The following CSMD1 variants were observed in gnomAD, a reference collection of about 807,000 sequenced individuals.
CSMD1 encodes CUB and sushi domain-containing protein 1.
Under a neutral mutation model 417.5 loss-of-function variants are expected in CSMD1, and 213 were observed. The ratio of observed to expected loss-of-function variants is 0.51; its 90% CI spans 0.46 to 0.57. CSMD1 has a LOEUF of 0.57. Among genes scored for constraint, CSMD1 ranks in the 20% least tolerant of loss-of-function variants. The pLI, the probability that CSMD1 is intolerant of heterozygous loss-of-function variation, is 0.00. For missense variants in CSMD1, 6,923 were observed against 4,529.7 expected, an observed-to-expected ratio of 1.53 and a Z score of -15.17; for synonymous variants, 2,862 against 1,736.8, an observed-to-expected ratio of 1.65 and a Z score of -16.11.
intron 5 of CSMD1, among the ~76,000 whole-genome samples, chr8:3,762,981 C>T (rs1798092819): frequency 6.6e-6 from 1 of 152,180 alleles, no homozygotes; most frequent in South Asian, 2.1e-4. Flanking sequence ...CTCACCATGA[C>T]ATTTGGTGTA....
At chr8:4,383,599 T>G (rs1015640028) in intron 3 of CSMD1, among the ~76,000 whole-genome samples, 1 of 152,096 alleles carries the variant, frequency 6.6e-6, no homozygotes, top group Admixed American at 6.6e-5. Context: ...CATGGAAGTG[T>G]TTAATAAAGA....
At position 3,968,703 on chromosome 8, in the gene CSMD1, G is replaced by C. The variant is rs189930136; in HGVS notation, c.818+29200C>G. On this transcript the variant is annotated intron_variant, in intron 5 of 69. Transcript: ENST00000635120. ...AGTCATTAAGCTTGCTCTTACTACA[G>C]GGTCTGTGTATTATCTAATGTGTAA... is the stretch of plus-strand genomic sequence containing the variant. Among the ~76,000 whole-genome samples, 12 of 152,214 alleles carry C rather than the reference G, an allele frequency of 7.9e-5. No individual in the cohort carries two copies. In the East Asian group the frequency reaches 2.1e-3, roughly 27 times the overall value.
chr8:3,771,302 G>A (rs908313177), intron 5 of CSMD1, among the ~76,000 whole-genome samples: 4 of 152,136 alleles, frequency 2.6e-5, no homozygotes, highest in African/African-American at 2.4e-5. Flanking sequence ...GGTGCTTCTG[G>A]AAGCCTTGCT....
intron 10 of CSMD1, among the ~76,000 whole-genome samples, chr8:3,520,027 T>C (rs1003867617): frequency 6.9e-6 from 1 of 144,648 alleles, no homozygotes; most frequent in South Asian, 2.3e-4. Flanking sequence ...TACCTATATA[T>C]ATATATATAT....
At chr8:3,753,858 T>G in intron 6 of CSMD1, 72 bp downstream of exon 6, 1 of 1,061,512 alleles carries the variant, frequency 9.4e-7, no homozygotes, top group South Asian at 1.5e-5. Context: ...CTCCTAAAAT[T>G]TCATGGCTAG....
intron 3 of CSMD1, among the ~76,000 whole-genome samples, chr8:4,247,661 G>A (rs931093114): frequency 6.6e-6 from 1 of 152,124 alleles, no homozygotes; most frequent in African/African-American, 2.4e-5. Context: ...TTCAACATGT[G>A]AAATTAATTT....
intron 52 of CSMD1, among the ~76,000 whole-genome samples, chr8:3,003,655 A>G (rs1379157721): frequency 6.6e-6 from 1 of 152,212 alleles, no homozygotes; most frequent in Non-Finnish European, 1.5e-5. Context: ...ATAAGACACA[A>G]TCGCAGAGGG....
intron 5 of CSMD1, among the ~76,000 whole-genome samples, chr8:3,863,669 A>C (rs1246112680): frequency 6.6e-6 from 1 of 152,188 alleles, no homozygotes; most frequent in Non-Finnish European, 1.5e-5. Context: ...ACACACACAC[A>C]CATTTCTCAT....
Position 4,076,856 on chromosome 8 carries a change from T to C in CSMD1, c.416-44757A>G, listed in dbSNP as rs555539652. The stretch of plus-strand genomic sequence containing the variant: ...TAACTGCTAACTTAAGATAGGCTAC[T>C]CTTTTCTCATTTTTTCCATTATCTT... On this transcript the variant is annotated intron_variant, in intron 3 of 69. Transcript: ENST00000635120. Among the ~76,000 whole-genome samples, 8 of 152,274 alleles carry C rather than the reference T, an allele frequency of 5.3e-5. No homozygotes were observed. In the South Asian group the frequency reaches 1.0e-3, roughly 20 times the overall value.
In CSMD1 at chr8:3,806,399, G is replaced by A. The variant is rs1563099291; in HGVS notation, c.819-52357C>T. ...CCTGAAGCCTGTGGGACACAAAAGC[G>A]TGTGTGAAGCCCTCAAGCATCCTGA... is the stretch of plus-strand genomic sequence containing the variant. On this transcript the variant is annotated intron_variant, in intron 5 of 69. Coordinates refer to ENST00000635120, the MANE Select transcript of CSMD1 (RefSeq NM_033225.6). Among the ~76,000 whole-genome samples, 6 of 152,292 alleles carry A rather than the reference G, an allele frequency of 3.9e-5. No homozygotes were observed. In the South Asian group the frequency reaches 8.3e-4, roughly 21 times the overall value.
rs377449340 is a variant in CSMD1, at chr8:4,590,894, C to G, written c.302+46448G>C. On this transcript the variant is annotated intron_variant, in intron 2 of 69. Coordinates refer to ENST00000635120, the MANE Select transcript of CSMD1 (RefSeq NM_033225.6). ...TTTACTTGGCAGAACTCATCGTACA[C>G]ATTTCTGTGATACAACAATGCTCTC... Among the ~76,000 whole-genome samples the G allele has an allele frequency of 3.9e-5, 6 of 152,334 alleles. No homozygotes were observed. In the South Asian group the frequency reaches 8.3e-4, roughly 21 times the overall value.
chr8:4,695,280 C>T (rs1027795778), intron 1 of CSMD1, among the ~76,000 whole-genome samples: 3 of 152,184 alleles, frequency 2.0e-5, no homozygotes, highest in East Asian at 1.9e-4. Context: ...TCTCTCTGAC[C>T]CTGTACAGCC....
At chr8:4,222,470 G>A (rs909427055) in intron 3 of CSMD1, among the ~76,000 whole-genome samples, 1 of 152,112 alleles carries the variant, frequency 6.6e-6, no homozygotes, top group African/African-American at 2.4e-5. Context: ...TCCGTCATAT[G>A]TTCTCAGTAA....
At chr8:3,887,832 G>T (rs972664545) in intron 5 of CSMD1, among the ~76,000 whole-genome samples, 3 of 152,180 alleles carry the variant, frequency 2.0e-5, no homozygotes, top group African/African-American at 7.2e-5. Context: ...GTTCATCTGT[G>T]CAAGGAAGAA....
rs150494488 is a variant in CSMD1 at position 3,776,398 on chromosome 8, G to C, written c.819-22356C>G. On this transcript the variant is annotated intron_variant, in intron 5 of 69. Coordinates refer to ENST00000635120, the MANE Select transcript of CSMD1 (RefSeq NM_033225.6). ...TAAAGCCAGACTCTAAAGAGGCGCT[G>C]CAAGGGCTGACACCTTCTCACTCCT... Among the ~76,000 whole-genome samples the C allele has an allele frequency of 1.3e-4, 20 of 152,300 alleles. No individual in the cohort carries two copies. In the East Asian group the frequency reaches 3.7e-3, roughly 28 times the overall value.
chr8:4,826,597 T>C (rs1799845103), intron 1 of CSMD1, among the ~76,000 whole-genome samples: 1 of 152,172 alleles, frequency 6.6e-6, no homozygotes, highest in Non-Finnish European at 1.5e-5. Flanking sequence ...AAACAACTGA[T>C]GGAAGAGCAA....
Position 4,276,920 on chromosome 8 carries a change from C to A in CSMD1, c.415+143033G>T, listed in dbSNP as rs911621669. ...AAATATGTAATAGAGTACTGGAATT[C>A]ATTTCAAAGTAGCCTGTGTATGTTT... On this transcript the variant is annotated intron_variant, in intron 3 of 69. Coordinates refer to ENST00000635120, the MANE Select transcript of CSMD1 (RefSeq NM_033225.6). Among the ~76,000 whole-genome samples, 11 of 152,078 alleles carry A rather than the reference C, an allele frequency of 7.2e-5. 1 individual carries two copies. Among genetic ancestry groups the A allele is most frequent in the Admixed American group, 3.3e-4 (5 of 15,248 alleles).
intron 5 of CSMD1, among the ~76,000 whole-genome samples, chr8:3,868,451 C>T (rs891920443): frequency 1.3e-5 from 2 of 152,116 alleles, no homozygotes; most frequent in East Asian, 1.9e-4. Context: ...GATCCCATGC[C>T]ACCTGCATCA....
chr8:3,570,503 G>A (rs769473413), intron 10 of CSMD1, among the ~76,000 whole-genome samples: 2 of 152,160 alleles, frequency 1.3e-5, no homozygotes, highest in African/African-American at 2.4e-5. Flanking sequence ...GGGAACTAAA[G>A]CCTCAGGTGG....
Sources: gnomAD v4.1 joint callset for allele counts (sites outside exome capture counted in the v4.1 genomes callset) on GRCh38, gnomAD v4.1.1 for gene constraint, MANE v1.5 for transcripts, NCBI Gene and HGNC (gene_info 2026-07-23, HGNC 2026-07-21) for gene names.